WDR5: variants seen among roughly 807,000 people sequenced by gnomAD.
WDR5 encodes the protein WD repeat domain 5, also known as WD repeat-containing protein 5.
For missense variants in WDR5, 187 were observed against 416.9 expected (o/e 0.45, Z 4.80); for synonymous variants, 144 against 161.6 (o/e 0.89, Z 0.83).
intron 5 of WDR5, 119 bp from the exon 6 acceptor site, chr9:134,142,214 A>G (rs1051133113): frequency 8.1e-7 from 1 of 1,233,630 alleles, no homozygotes; most frequent in Non-Finnish European, 1.1e-6. Flanking sequence ...TTCGGGGAAC[A>G]GCAAGTCACT....
At chr9:134,155,850 C>A in intron 12 of WDR5, 83 bp downstream of exon 12, 1 of 1,252,618 alleles carries the variant, frequency 8.0e-7, no homozygotes, top group Non-Finnish European at 1.1e-6. Flanking sequence ...TTGCTTTATA[C>A]TCAGAGACAC....
chr9:134,136,889 C>G (rs1199653283), intron 1 of WDR5, among the ~76,000 whole-genome samples: 1 of 152,220 alleles, frequency 6.6e-6, no homozygotes, highest in African/African-American at 2.4e-5. Context: ...TACCCATCTC[C>G]TCAAATGCTA....
chr9:134,145,625 G>A (rs1331331266), intron 7 of WDR5, among the ~76,000 whole-genome samples: 2 of 152,248 alleles, frequency 1.3e-5, no homozygotes, highest in Non-Finnish European at 2.9e-5. Flanking sequence ...CTTTTTGACA[G>A]GTACATTTTG....
chr9:134,140,084 AC>A, intron 2 of WDR5, 126 bp downstream of exon 2: 1 of 1,125,908 alleles, frequency 8.9e-7, no homozygotes, highest in Non-Finnish European at 1.3e-6. Context: ...ATTTTTATTT[AC>A]TGACCGCATA....
At position 134,154,553 on chromosome 9, in the gene WDR5, G is replaced by C; in HGVS notation, c.707+12G>C. The C allele has an allele frequency of 2.5e-6, 4 of 1,613,890 alleles. No individual in the cohort carries two copies. Among genetic ancestry groups the C allele is most frequent in the Non-Finnish European group, 3.4e-6 (4 of 1,179,842 alleles). On this transcript the variant is annotated intron_variant, in intron 10 of 13. Coordinates refer to ENST00000358625, the MANE Select transcript of WDR5 (RefSeq NM_017588.3). ...GCCACGCTGGACAAGTGAGTACTGC[G>C]TGGGACTGTGGGGGCGGGCATGTGG...
At chr9:134,152,263 G>T (rs764222650) in intron 9 of WDR5, among the ~76,000 whole-genome samples, 14 of 152,364 alleles carry the variant, frequency 9.2e-5, no homozygotes, top group Non-Finnish European at 1.2e-4. Flanking sequence ...CCAGCCTGGG[G>T]CTCCTCCACC....
At position 134,155,690 on chromosome 9, in the gene WDR5, C is replaced by T. The variant is rs1485707418; in HGVS notation, c.742-3C>T. On this transcript the variant is annotated splice_region_variant and splice_polypyrimidine_tract_variant and intron_variant, in intron 11 of 13. Transcript: ENST00000358625. ...GTGACCAGCCTGTCCCCTCCTGTTTCAGTGCCTGAAGACGTACACTGGCCA... is the reference window on the plus strand; with the variant it reads ...GTGACCAGCCTGTCCCCTCCTGTTTTAGTGCCTGAAGACGTACACTGGCCA... 2 of 1,614,078 alleles carry T rather than the reference C, an allele frequency of 1.2e-6. No individual in the cohort carries two copies. The highest frequency in any genetic ancestry group is 2.2e-5 in the South Asian group (2 of 91,076).
intron 12 of WDR5, among the ~76,000 whole-genome samples, chr9:134,156,180 C>T (rs1304458819): frequency 2.6e-5 from 4 of 152,222 alleles, no homozygotes; most frequent in Admixed American, 6.5e-5. Flanking sequence ...CGGGGTGACT[C>T]GGGCAACATG....
intron 8 of WDR5, among the ~76,000 whole-genome samples, chr9:134,149,037 G>A (rs1287958819): frequency 6.6e-6 from 1 of 152,146 alleles, no homozygotes; most frequent in Non-Finnish European, 1.5e-5. Flanking sequence ...GGAGGACGGT[G>A]GCAGCCACTG....
chr9:134,142,135 G>C (rs759792587), intron 5 of WDR5, 97 bp downstream of exon 5: 44 of 1,133,440 alleles, frequency 3.9e-5, no homozygotes, highest in Admixed American at 1.1e-4. Flanking sequence ...GCAACACTCA[G>C]CGCTCCTCTC....
chr9:134,145,096 G>GTTTTTTTTTTTTTTTTTT (rs56864188), intron 7 of WDR5, among the ~76,000 whole-genome samples: 7 of 104,716 alleles, frequency 6.7e-5, no homozygotes, highest in African/African-American at 1.7e-4. Flanking sequence ...GTGGGGCTTT[G>GTTTTTTTTTTTTTTTTTT]TTTTTTTTTT....
chr9:134,151,010 CG>C (rs1475848042), intron 8 of WDR5, among the ~76,000 whole-genome samples: 2 of 152,092 alleles, frequency 1.3e-5, no homozygotes, highest in South Asian at 2.1e-4. Flanking sequence ...AAAGGACACA[CG>C]GGGGTTAGGT....
intron 8 of WDR5, among the ~76,000 whole-genome samples, chr9:134,151,230 A>G (rs1832469886): frequency 6.6e-6 from 1 of 152,048 alleles, no homozygotes; most frequent in Admixed American, 6.6e-5. Context: ...TCGTCCCTGG[A>G]TTATTGAAGT....
At chr9:134,153,828 G>A (rs1232478142) in intron 9 of WDR5, among the ~76,000 whole-genome samples, 6 of 152,170 alleles carry the variant, frequency 3.9e-5, no homozygotes, top group African/African-American at 7.2e-5. Flanking sequence ...CCTCACTCAG[G>A]TGAGAGGAGA....
intron 7 of WDR5, among the ~76,000 whole-genome samples, chr9:134,147,368 C>T (rs945511342): frequency 6.6e-6 from 1 of 152,178 alleles, no homozygotes; most frequent in Admixed American, 6.5e-5. Context: ...CTAGCAGTCT[C>T]TGCCATAGTA....
rs892739613 is a variant in WDR5 at position 134,141,288 on chromosome 9, A to G, written c.191-222A>G. 4.6e-5 allele frequency among the ~76,000 whole-genome samples: 7 copies of G among 152,214 alleles called. 1 individual carries two copies. Among genetic ancestry groups the G allele is most frequent in the Non-Finnish European group, 7.4e-5 (5 of 68,026 alleles). On this transcript the variant is annotated intron_variant, in intron 3 of 13. Coordinates refer to ENST00000358625, the MANE Select transcript of WDR5 (RefSeq NM_017588.3). Reference sequence around the variant, plus strand: ...GCGACAGAGCCAGACACCGTCTCAGAAAAACAAAAGAAGAAGAAAGAAAAG... The same window carrying G: ...GCGACAGAGCCAGACACCGTCTCAGGAAAACAAAAGAAGAAGAAAGAAAAG...
At chr9:134,155,284 T>G in intron 10 of WDR5, 56 bp from the exon 11 acceptor site, 1 of 1,511,640 alleles carries the variant, frequency 6.6e-7, no homozygotes, top group Non-Finnish European at 8.8e-7. Context: ...GAGTTGGGTG[T>G]GGGGACAGAA....
At chr9:134,136,759 C>T (rs760395509) in intron 1 of WDR5, among the ~76,000 whole-genome samples, 3 of 152,190 alleles carry the variant, frequency 2.0e-5, no homozygotes, top group Non-Finnish European at 4.4e-5. Flanking sequence ...CTGTCCTGGC[C>T]GGTCTGCGAG....
chr9:134,143,677 A>G (rs745673372), intron 7 of WDR5, among the ~76,000 whole-genome samples: 1 of 151,796 alleles, frequency 6.6e-6, no homozygotes, highest in Admixed American at 6.6e-5. Flanking sequence ...ACAGGCGCCC[A>G]CCACCATGCC....
Sources: allele counts gnomAD v4.1 joint callset (sites outside exome capture counted in the v4.1 genomes callset), GRCh38; gene constraint gnomAD v4.1.1; transcripts MANE v1.5; gene names NCBI Gene and HGNC (gene_info 2026-07-23, HGNC 2026-07-21).